Variants in HOXA3 observed in about 807,000 individuals in gnomAD.
HOXA3 encodes homeobox A3.
A neutral mutation model predicts 30.3 loss-of-function variants in HOXA3; 8 were observed. That is an observed-to-expected ratio of 0.26 (90% confidence interval 0.15 to 0.48). The LOEUF is 0.48. Among genes scored for constraint, HOXA3 ranks in the 20% least tolerant of loss-of-function variants. HOXA3 has a pLI of 0.99. For synonymous variants in HOXA3, 323 were observed against 273.1 expected (o/e 1.18, Z -1.80); for missense variants, 653 against 614.4 (o/e 1.06, Z -0.66).
At chr7:27,129,779 A>G (rs920685527) in intron 2 of HOXA3, among the ~76,000 whole-genome samples, 1 of 152,218 alleles carries the variant, frequency 6.6e-6, no homozygotes, top group Non-Finnish European at 1.5e-5. Context: ...AGAGCCATAA[A>G]GAATGGTGCT....
chr7:27,142,073 C>A (rs1250282209), intron 1 of HOXA3: 1 of 1,613,642 alleles, frequency 6.2e-7, no homozygotes, highest in Admixed American at 1.7e-5. Context: ...GCCTTCCGGG[C>A]CGCCTATGTT....
chr7:27,120,600 A>G (rs1263544011), intron 4 of HOXA3, among the ~76,000 whole-genome samples: 1 of 151,684 alleles, frequency 6.6e-6, no homozygotes, highest in Non-Finnish European at 1.5e-5. Context: ...CTTCAGAGAA[A>G]TGCCTTAACG....
intron 1 of HOXA3, chr7:27,151,051 A>C (rs886339): frequency 0.84 from 128,348 of 152,366 alleles, 54,281 homozygotes; most frequent in Middle Eastern, 0.9. Context: ...AAGGCGGCGG[A>C]CCTAGGATGC....
intron 2 of HOXA3, among the ~76,000 whole-genome samples, chr7:27,136,785 A>G (rs958788646): frequency 6.6e-6 from 1 of 152,176 alleles, no homozygotes; most frequent in Non-Finnish European, 1.5e-5. Context: ...CTGGTGGGAG[A>G]ACAAATTTAT....
chr7:27,129,750 T>C lies in HOXA3; in HGVS notation c.-389-2680A>G, dbSNP rs17449108. Among the ~76,000 whole-genome samples the C allele has an allele frequency of 0.031, 4,730 of 152,234 alleles. 263 individuals are homozygous for C. Among genetic ancestry groups the C allele is most frequent in the East Asian group, 0.14 (745 of 5,162 alleles). On this transcript the variant is annotated intron_variant, in intron 2 of 5. Coordinates refer to ENST00000612286, the MANE Select transcript of HOXA3 (RefSeq NM_153631.3). ...GCAAAGAAAATGTTTCACAGGCTAT[T>C]GACAACGGGAAACACCCGAGAGCCA...
intron 3 of HOXA3, chr7:27,123,327 C>G (rs1433923239): frequency 6.6e-6 from 1 of 152,310 alleles, no homozygotes; most frequent in Admixed American, 6.5e-5. Context: ...GGGACGCCGG[C>G]TGGTACAATA....
At chr7:27,141,925 G>T (rs1782584562) in intron 1 of HOXA3, 1 of 1,614,112 alleles carries the variant, frequency 6.2e-7, no homozygotes, top group South Asian at 1.1e-5. Context: ...TTTGGAACCA[G>T]ATTTTAATTT....
intron 4 of HOXA3, chr7:27,115,674 G>C (rs927246739): frequency 6.6e-6 from 1 of 152,356 alleles, no homozygotes; most frequent in African/African-American, 2.4e-5. Context: ...CTGGCGCCAA[G>C]ACCCTGCCGG....
chr7:27,138,269 G>GT (rs1169844184), intron 2 of HOXA3, among the ~76,000 whole-genome samples: 1 of 152,200 alleles, frequency 6.6e-6, no homozygotes, highest in African/African-American at 2.4e-5. Flanking sequence ...AGTAGCACTT[G>GT]TGGGAGGGTT....
chr7:27,141,774 C>G, intron 1 of HOXA3: 2 of 1,576,862 alleles, frequency 1.3e-6, no homozygotes, highest in Non-Finnish European at 8.6e-7. Flanking sequence ...AGAAAGTCAC[C>G]TTAGTACTGA....
intron 4 of HOXA3, chr7:27,119,487 G>A (rs1209896741): frequency 6.6e-6 from 1 of 152,230 alleles, no homozygotes; most frequent in Admixed American, 6.5e-5. Flanking sequence ...TCTGCCTGAT[G>A]ACATTGCCCA....
intron 4 of HOXA3, among the ~76,000 whole-genome samples, chr7:27,114,783 T>C (rs1783202788): frequency 3.4e-5 from 1 of 29,630 alleles, no homozygotes; most frequent in Non-Finnish European, 8.1e-5. Context: ...GGCAGAGGAA[T>C]ATGTGGTTTC....
intron 2 of HOXA3, chr7:27,129,543 A>T (rs758243042): frequency 5.6e-5 from 90 of 1,613,816 alleles, no homozygotes; most frequent in Non-Finnish European, 7.4e-5. Context: ...GAGAGCGCTT[A>T]GGCTCCCCTC....
chr7:27,152,331 G>A lies in HOXA3; in HGVS notation c.-537C>T. The A allele has an allele frequency of 7.9e-7, 1 of 1,264,958 alleles. No homozygotes were observed. The highest frequency in any genetic ancestry group is 1.3e-5 in the South Asian group (1 of 78,134). The allele number at this position is 1,264,958 out of a possible 1,614,324, so 78.4% of individuals were successfully genotyped here. A position where few individuals can be genotyped will look rare whatever the true frequency, so the allele number is the denominator to read the frequency against. ...AGAAGCTCCTGCCCCTCTGACAGCT[G>A]TCGCTTGGGCAGCCCGAGAGAAGAA... On this transcript the variant is annotated 5_prime_UTR_variant, in exon 1 of 6. Coordinates refer to ENST00000612286, the MANE Select transcript of HOXA3 (RefSeq NM_153631.3).
Position 27,107,936 on chromosome 7 carries a change from T to C in HOXA3, c.1311A>G (p.Ala437=). 6.3e-6 allele frequency: 10 copies of C among 1,577,420 alleles called. No homozygotes were observed. The highest frequency in any genetic ancestry group is 8.7e-6 in the Non-Finnish European group (10 of 1,155,480). The part of the protein sequence containing the change: ...HHPSQGRIQE[A]PKLTHL ...ACTATCACAGGTGGGTGAGCTTGGG[T>C]GCTTCCTGAATTCTTCCCTGAGAAG... Residue 437 remains alanine (A), a synonymous_variant, in exon 6 of 6, where the codon GCA becomes GCG. Coordinates refer to ENST00000612286, the MANE Select transcript of HOXA3 (RefSeq NM_153631.3).
chr7:27,111,708 G>A (rs978308601), intron 4 of HOXA3, among the ~76,000 whole-genome samples: 2 of 151,970 alleles, frequency 1.3e-5, no homozygotes, highest in Admixed American at 6.6e-5. Context: ...CTGTTATTCG[G>A]GGCAACTATC....
chr7:27,119,237 T>C (rs1784892122), intron 4 of HOXA3, among the ~76,000 whole-genome samples: 1 of 138,310 alleles, frequency 7.2e-6, no homozygotes, highest in African/African-American at 2.7e-5. Context: ...TGGGACCCTC[T>C]CCACAGGCAG....
At chr7:27,129,565 G>C (rs1229205207) in intron 2 of HOXA3, 1 of 1,612,744 alleles carries the variant, frequency 6.2e-7, no homozygotes, top group South Asian at 1.1e-5. Flanking sequence ...GTTATAACTG[G>C]GGTTAACTGA....
intron 4 of HOXA3, chr7:27,116,152 C>T (rs1328698358): frequency 1.3e-5 from 2 of 152,672 alleles, no homozygotes; most frequent in Non-Finnish European, 2.9e-5. Flanking sequence ...TTGGTTCCAC[C>T]AATTCCCCCA....
Sources: gnomAD v4.1 joint callset for allele counts (sites outside exome capture counted in the v4.1 genomes callset) on GRCh38, gnomAD v4.1.1 for gene constraint, MANE v1.5 for transcripts, NCBI Gene and HGNC (gene_info 2026-07-23, HGNC 2026-07-21) for gene names.